Variants in REV1 observed in about 807,000 individuals in gnomAD.
REV1 encodes the protein REV1 DNA directed polymerase.
A neutral mutation model predicts 137.4 loss-of-function variants in REV1; 42 were observed. The ratio of observed to expected loss-of-function variants is 0.31; its 90% CI spans 0.24 to 0.40. The LOEUF (loss-of-function observed/expected upper bound fraction) is 0.40. Ranked by LOEUF, REV1 falls within the 10% of genes least tolerant of loss-of-function variation. The pLI is 1.00. For missense variants in REV1, 1,282 were observed against 1,490.1 expected (o/e 0.86, Z 2.30); for synonymous variants, 524 against 519.2 (o/e 1.01, Z -0.12).
chr2:99,422,472 C>T (rs1038427547), intron 10 of REV1, among the ~76,000 whole-genome samples: 1 of 152,146 alleles, frequency 6.6e-6, no homozygotes, highest in African/African-American at 2.4e-5. Flanking sequence ...TCATCTCTCA[C>T]CTACACCTTA....
intron 1 of REV1, among the ~76,000 whole-genome samples, chr2:99,480,985 C>A (rs1006767406): frequency 4.6e-5 from 7 of 152,176 alleles, no homozygotes; most frequent in African/African-American, 1.7e-4. Context: ...ATATAATCTT[C>A]AAGTGACAAT....
At chr2:99,424,787 T>C (rs1349075237) in intron 9 of REV1, 11 of 1,304,006 alleles carry the variant, frequency 8.4e-6, no homozygotes, top group Non-Finnish European at 1.1e-5. Context: ...CAATTCCCAA[T>C]TGACCAATTC....
intron 3 of REV1, among the ~76,000 whole-genome samples, chr2:99,456,941 C>A (rs1683599923): frequency 6.6e-6 from 1 of 152,098 alleles, no homozygotes; most frequent in South Asian, 2.1e-4. Context: ...AATTTAAGAA[C>A]ATGAGGTTGA....
intron 3 of REV1, among the ~76,000 whole-genome samples, chr2:99,454,422 C>T (rs2053917): frequency 0.43 from 65,289 of 150,750 alleles, 14,337 homozygotes; most frequent in Admixed American, 0.58. Context: ...TGGTGGCATG[C>T]GCCTGTAACT....
At chr2:99,403,887 A>G in intron 18 of REV1, 72 bp from the exon 19 acceptor site, 1 of 1,552,126 alleles carries the variant, frequency 6.4e-7, no homozygotes. Flanking sequence ...CTTTTTCACA[A>G]AACAGACTTT....
intron 5 of REV1, among the ~76,000 whole-genome samples, chr2:99,441,244 T>C (rs1174847031): frequency 2.6e-5 from 4 of 152,044 alleles, no homozygotes; most frequent in Admixed American, 2.0e-4. Flanking sequence ...ACAAGTTAAA[T>C]TAACAAATGA....
intron 9 of REV1, among the ~76,000 whole-genome samples, chr2:99,427,885 C>T (rs1245970512): frequency 2.0e-5 from 3 of 152,036 alleles, no homozygotes; most frequent in Non-Finnish European, 2.9e-5. Flanking sequence ...CTCATATAGT[C>T]ACCCCAATTA....
chr2:99,483,904 G>C (rs1266092207), intron 1 of REV1, among the ~76,000 whole-genome samples: 1 of 152,114 alleles, frequency 6.6e-6, no homozygotes, highest in African/African-American at 2.4e-5. Context: ...ATTGCCTCTG[G>C]AGTCTGTAAG....
intron 21 of REV1, 142 bp downstream of exon 21, chr2:99,402,502 T>TTAAAAGATTTGGGGGTAGC: frequency 1.1e-6 from 1 of 915,968 alleles, no homozygotes; most frequent in East Asian, 2.6e-5. Flanking sequence ...GTCCCAGAAT[T>TTAAAAGATTTGGGGGTAGC]TAAAAGATTT....
intron 1 of REV1, among the ~76,000 whole-genome samples, chr2:99,486,716 T>C (rs2104327005): frequency 6.6e-6 from 1 of 152,318 alleles, no homozygotes; most frequent in South Asian, 2.1e-4. Flanking sequence ...ATTCTGACCC[T>C]AGCTGTCTGA....
At chr2:99,456,655 A>T (rs1377679015) in intron 3 of REV1, among the ~76,000 whole-genome samples, 1 of 152,236 alleles carries the variant, frequency 6.6e-6, no homozygotes, top group Non-Finnish European at 1.5e-5. Context: ...AGACCTAACA[A>T]CACAAGACAA....
intron 15 of REV1, chr2:99,407,056 C>T (rs1203148539): frequency 7.6e-6 from 1 of 132,408 alleles, no homozygotes; most frequent in African/African-American, 2.8e-5. Flanking sequence ...CATATGCACA[C>T]ATAAAACTAA....
At chr2:99,448,924 G>A (rs554675738) in intron 4 of REV1, among the ~76,000 whole-genome samples, 5 of 152,264 alleles carry the variant, frequency 3.3e-5, no homozygotes, top group East Asian at 1.9e-4. Flanking sequence ...GAGCTTAAAC[G>A]GTAGTGTTGT....
At chr2:99,448,767 A>G (rs1559367552) in intron 4 of REV1, among the ~76,000 whole-genome samples, 2 of 152,186 alleles carry the variant, frequency 1.3e-5, no homozygotes, top group African/African-American at 2.4e-5. Flanking sequence ...AGGTGCACAC[A>G]TATTTGTTGA....
intron 3 of REV1, among the ~76,000 whole-genome samples, chr2:99,454,608 G>A (rs1393733887): frequency 6.9e-6 from 1 of 145,642 alleles, no homozygotes; most frequent in Non-Finnish European, 1.5e-5. Context: ...AATTACGTGT[G>A]GTGGCACACA....
chr2:99,466,874 T>A (rs765301518), intron 1 of REV1, among the ~76,000 whole-genome samples: 20 of 152,158 alleles, frequency 1.3e-4, no homozygotes, highest in Non-Finnish European at 2.5e-4. Context: ...TGTTAAATAT[T>A]TCTCCTGTTT....
At chr2:99,432,168 T>C (rs1013924621) in intron 8 of REV1, among the ~76,000 whole-genome samples, 6 of 152,046 alleles carry the variant, frequency 3.9e-5, no homozygotes, top group Admixed American at 6.6e-5. Context: ...GGAAGCAGCC[T>C]CCAAAAGAAG....
chr2:99,409,548 A>G (rs1676806220), intron 14 of REV1, among the ~76,000 whole-genome samples: 3 of 152,230 alleles, frequency 2.0e-5, no homozygotes, highest in Admixed American at 2.0e-4. Flanking sequence ...CTGACATAAA[A>G]GACGAGTGTT....
chr2:99,410,018 A>G (rs1574992422), intron 14 of REV1, among the ~76,000 whole-genome samples: 1 of 152,066 alleles, frequency 6.6e-6, no homozygotes, highest in Middle Eastern at 3.4e-3. Context: ...GCCTTTGTGT[A>G]TCATTTTTTT....
Sources: allele counts gnomAD v4.1 joint callset (sites outside exome capture counted in the v4.1 genomes callset), GRCh38; gene constraint gnomAD v4.1.1; transcripts MANE v1.5; gene names NCBI Gene and HGNC (gene_info 2026-07-23, HGNC 2026-07-21).